KHDC1: variants seen among roughly 807,000 people sequenced by gnomAD.
KHDC1 encodes the protein KH homology domain-containing protein 1.
A neutral mutation model predicts 24.7 loss-of-function variants in KHDC1; 21 were observed. That is an observed-to-expected ratio of 0.85 (90% CI 0.60 to 1.23). The LOEUF (loss-of-function observed/expected upper bound fraction) is 1.23, where lower values mean the gene tolerates loss of function less well. Ranked by LOEUF, KHDC1 falls within the 50% of genes most tolerant of loss-of-function variation. The pLI, the probability that KHDC1 is intolerant of heterozygous loss-of-function variation, is 0.00. For missense variants in KHDC1, 274 were observed against 298.5 expected, an observed-to-expected ratio of 0.92 and a Z score of 0.61; for synonymous variants, 98 against 111.7, an observed-to-expected ratio of 0.88 and a Z score of 0.77.
chr6:73,292,693 T>C (rs1767678818), intron 1 of KHDC1: 1 of 750,946 alleles, frequency 1.3e-6, no homozygotes, highest in African/African-American at 1.7e-5. Context: ...TCTTAATGTG[T>C]CCACACATTC....
intron 2 of KHDC1, among the ~76,000 whole-genome samples, chr6:73,278,465 TCTC>T (rs1275906902): frequency 6.6e-6 from 1 of 151,846 alleles, no homozygotes; most frequent in Non-Finnish European, 1.5e-5. Context: ...CTCAAACAAT[TCTC>T]CTGCCTTGGC....
At chr6:73,306,309 C>A (rs536590737) in intron 1 of KHDC1, among the ~76,000 whole-genome samples, 1 of 152,214 alleles carries the variant, frequency 6.6e-6, no homozygotes, top group East Asian at 1.9e-4. Context: ...ACTGCATCAA[C>A]TCTGCCCTCC....
intron 2 of KHDC1, chr6:73,291,977 T>C (rs773026793): frequency 2.5e-6 from 4 of 1,613,616 alleles, no homozygotes; most frequent in Non-Finnish European, 3.4e-6. Flanking sequence ...GGGGTACGAC[T>C]TAACTACTCG....
intron 2 of KHDC1, among the ~76,000 whole-genome samples, chr6:73,260,048 C>G (rs1480669650): frequency 6.6e-6 from 1 of 152,148 alleles, no homozygotes; most frequent in Non-Finnish European, 1.5e-5. Flanking sequence ...GTATTTGGGA[C>G]ATCTCTTCAA....
At chr6:73,299,103 G>A (rs1430952882) in intron 1 of KHDC1, 1 of 152,278 alleles carries the variant, frequency 6.6e-6, no homozygotes, top group Non-Finnish European at 1.5e-5. Flanking sequence ...CTCTGCGTTA[G>A]TGAGAAAAAC....
At chr6:73,244,758 C>T (rs2150550777) in intron 2 of KHDC1, among the ~76,000 whole-genome samples, 1 of 151,924 alleles carries the variant, frequency 6.6e-6, no homozygotes, top group Admixed American at 6.6e-5. Flanking sequence ...TAAAGGAAGA[C>T]TTCATCTTTA....
At chr6:73,290,812 G>A (rs1767635625) in intron 2 of KHDC1, 2 of 326,598 alleles carry the variant, frequency 6.1e-6, no homozygotes, top group Admixed American at 7.7e-5. Context: ...CCTCTCTCAG[G>A]GGCTTCTTAT....
Position 73,298,423 on chromosome 6 carries a change from A to ATTTTTTTTTTT in KHDC1, c.164-6394_164-6384dup, listed in dbSNP as rs370446904. 1.3e-4 allele frequency among the ~76,000 whole-genome samples: 8 copies of ATTTTTTTTTTT among 59,956 alleles called. 1 individual carries two copies. Among genetic ancestry groups the ATTTTTTTTTTT allele is most frequent in the African/African-American group, 6.0e-4 (8 of 13,278 alleles). 39.3% of individuals were successfully genotyped at this position (59,956 alleles called of 152,430 possible). ...CCTGGAAGGACTCTATACTTTGCAA[A>ATTTTTTTTTTT]TTTTTTTTTTTTTTTTTTTTTTTTT... On this transcript the variant is annotated intron_variant, in intron 1 of 4. Transcript: ENST00000370384.
intron 1 of KHDC1, among the ~76,000 whole-genome samples, chr6:73,308,769 G>T (rs1302817709): frequency 1.3e-5 from 2 of 152,076 alleles, no homozygotes; most frequent in Non-Finnish European, 2.9e-5. Context: ...TACTGGGATT[G>T]CAGGTGTCAG....
chr6:73,306,398 A>T (rs1767963240), intron 1 of KHDC1, among the ~76,000 whole-genome samples: 1 of 151,922 alleles, frequency 6.6e-6, no homozygotes, highest in Non-Finnish European at 1.5e-5. Context: ...TCCCAACAAA[A>T]ATTACCCAGG....
chr6:73,289,295 C>T (rs1398519569), intron 2 of KHDC1, among the ~76,000 whole-genome samples: 7 of 126,930 alleles, frequency 5.5e-5, no homozygotes, highest in Non-Finnish European at 9.4e-5. Flanking sequence ...GATTGCACCA[C>T]TGCACTCCGG....
intron 1 of KHDC1, among the ~76,000 whole-genome samples, chr6:73,307,681 C>T (rs1767995529): frequency 6.6e-6 from 1 of 152,108 alleles, no homozygotes; most frequent in South Asian, 2.1e-4. Context: ...ACGGAGTGCC[C>T]AGAGGCCCAT....
Position 73,294,166 on chromosome 6 carries a change from A to G in KHDC1, c.164-2126T>C, listed in dbSNP as rs138736068. Among the ~76,000 whole-genome samples the G allele has an allele frequency of 1.0e-3, 156 of 152,218 alleles. 1 individual carries two copies. The highest frequency in any genetic ancestry group is 3.3e-3 in the African/African-American group (137 of 41,542). ...TCTGCCCACTTTTACTTTAACATAC[A>G]TTTATGGATCTATTGTCTCTTTCCC... is the stretch of plus-strand genomic sequence containing the variant. On this transcript the variant is annotated intron_variant, in intron 1 of 4. Coordinates refer to ENST00000370384, the Ensembl canonical transcript of KHDC1.
chr6:73,262,800 G>A, intron 2 of KHDC1: 3 of 985,532 alleles, frequency 3.0e-6, no homozygotes, highest in East Asian at 1.1e-4. Context: ...TTGCAGACAC[G>A]CAACTCACTG....
intron 2 of KHDC1, among the ~76,000 whole-genome samples, chr6:73,283,922 C>T (rs1767466041): frequency 6.6e-6 from 1 of 152,038 alleles, no homozygotes; most frequent in South Asian, 2.1e-4. Flanking sequence ...CTCCACCCTT[C>T]ATCCTCTCCA....
At chr6:73,291,263 C>A in intron 2 of KHDC1, 1 of 312,592 alleles carries the variant, frequency 3.2e-6, no homozygotes, top group Non-Finnish European at 6.4e-6. Context: ...CACTGAGTGG[C>A]CTTAAGCTGT....
intron 4 of KHDC1, 99 bp from the exon 4 acceptor site, chr6:73,241,827 C>G: frequency 7.4e-7 from 1 of 1,346,820 alleles, no homozygotes; most frequent in Non-Finnish European, 1.0e-6. Flanking sequence ...AGGATGTCAC[C>G]CCAGCCCAGA....
chr6:73,305,302 CA>C (rs1767943039), intron 1 of KHDC1, among the ~76,000 whole-genome samples: 1 of 150,260 alleles, frequency 6.7e-6, no homozygotes, highest in African/African-American at 2.4e-5. Flanking sequence ...AATTTGAAGT[CA>C]TGGAATTCGC....
chr6:73,267,410 G>A (rs1196781372), intron 2 of KHDC1, among the ~76,000 whole-genome samples: 1 of 152,180 alleles, frequency 6.6e-6, no homozygotes, highest in African/African-American at 2.4e-5. Context: ...TTGAACCTGG[G>A]AGATAGAGGT....
Sources: gnomAD v4.1 joint callset for allele counts (sites outside exome capture counted in the v4.1 genomes callset) on GRCh38, gnomAD v4.1.1 for gene constraint, MANE v1.5 for transcripts, NCBI Gene and HGNC (gene_info 2026-07-23, HGNC 2026-07-21) for gene names.